Variants in HEMK2 observed in about 807,000 individuals in gnomAD.
HEMK2 encodes methyltransferase HEMK2.
chr21:28,693,088 T>C, the HEMK2 span, among the ~76,000 whole-genome samples: 2 of 152,168 alleles, frequency 1.3e-5, no homozygotes, highest in East Asian at 1.9e-4. Flanking sequence ...GATGATTGCA[T>C]AACTTCATGA....
chr21:28,713,559 T>C, the HEMK2 span, among the ~76,000 whole-genome samples: 9 of 152,170 alleles, frequency 5.9e-5, no homozygotes, highest in Non-Finnish European at 1.2e-4. Flanking sequence ...TAGGATGCTC[T>C]TTCCCCAGGC....
At chr21:28,607,306 G>A in the HEMK2 span, among the ~76,000 whole-genome samples, 3,536 of 152,208 alleles carry the variant, frequency 0.023, 156 homozygotes, top group African/African-American at 0.081. Context: ...AGCTACTTGG[G>A]AGGCTGAGGC....
the HEMK2 span, among the ~76,000 whole-genome samples, chr21:28,593,091 G>T: frequency 6.6e-6 from 1 of 152,150 alleles, no homozygotes; most frequent in African/African-American, 2.4e-5. Context: ...AGCTACTTAG[G>T]AGGCTGAGAC....
the HEMK2 span, among the ~76,000 whole-genome samples, chr21:28,795,059 A>C: frequency 6.6e-6 from 1 of 152,250 alleles, no homozygotes; most frequent in African/African-American, 2.4e-5. Flanking sequence ...TGTAGGGTCA[A>C]ATGAAAGTCT....
the HEMK2 span, among the ~76,000 whole-genome samples, chr21:28,741,141 C>A: frequency 3.3e-5 from 5 of 152,214 alleles, no homozygotes; most frequent in East Asian, 9.7e-4. Context: ...AAAGTCAAAT[C>A]AAATCAGATG....
the HEMK2 span, among the ~76,000 whole-genome samples, chr21:28,863,413 TATATATATATATATATA>T: frequency 0.049 from 1,194 of 24,136 alleles, 109 homozygotes; most frequent in South Asian, 0.11. Context: ...CTCCCTTTTA[TATATATATATATATATA>T]TATATATATA....
chr21:28,844,363 T>C, the HEMK2 span, among the ~76,000 whole-genome samples: 10 of 152,126 alleles, frequency 6.6e-5, no homozygotes, highest in African/African-American at 2.2e-4. Flanking sequence ...AGAAATGTGA[T>C]GTAAGTCTAC....
the HEMK2 span, among the ~76,000 whole-genome samples, chr21:28,841,156 T>TATATA: frequency 3.1e-5 from 1 of 32,280 alleles, no homozygotes; most frequent in African/African-American, 1.9e-4. Flanking sequence ...AATTATAATT[T>TATATA]ATATATAATA....
At chr21:28,795,347 A>G in the HEMK2 span, among the ~76,000 whole-genome samples, 105 of 152,308 alleles carry the variant, frequency 6.9e-4, 1 homozygote, top group African/African-American at 2.5e-3. Flanking sequence ...TCTCTCCCAG[A>G]ACCTTTGCTA....
chr21:28,607,104 T>C, the HEMK2 span, among the ~76,000 whole-genome samples: 1 of 152,100 alleles, frequency 6.6e-6, no homozygotes, highest in Non-Finnish European at 1.5e-5. Flanking sequence ...TTAATATGAA[T>C]GATATGGTAA....
the HEMK2 span, among the ~76,000 whole-genome samples, chr21:28,766,621 C>A: frequency 6.6e-6 from 1 of 151,734 alleles, no homozygotes; most frequent in Admixed American, 6.6e-5. Flanking sequence ...CATCAACCAA[C>A]GAATAGATAA....
the HEMK2 span, among the ~76,000 whole-genome samples, chr21:28,580,742 A>G: frequency 6.6e-6 from 1 of 151,866 alleles, no homozygotes; most frequent in Non-Finnish European, 1.5e-5. Context: ...ATCCTCCCCA[A>G]CCTGGATAGC....
the HEMK2 span, among the ~76,000 whole-genome samples, chr21:28,843,406 G>A: frequency 3.3e-5 from 5 of 152,068 alleles, no homozygotes; most frequent in Non-Finnish European, 7.4e-5. Context: ...TACCTCCCAC[G>A]AGGTCCCTCC....
At chr21:28,620,192 G>A in the HEMK2 span, among the ~76,000 whole-genome samples, 3 of 151,988 alleles carry the variant, frequency 2.0e-5, no homozygotes, top group South Asian at 2.1e-4. Flanking sequence ...GAGGATTTTC[G>A]CATCGATGTT....
At chr21:28,596,923 C>T in the HEMK2 span, among the ~76,000 whole-genome samples, 2 of 152,054 alleles carry the variant, frequency 1.3e-5, no homozygotes, top group African/African-American at 4.8e-5. Flanking sequence ...AATTAAGTGC[C>T]ACAAATATAC....
the HEMK2 span, chr21:28,876,332 CA>C: frequency 7.8e-7 from 1 of 1,276,788 alleles, no homozygotes; most frequent in South Asian, 1.5e-5. Flanking sequence ...ACTTCAGTTT[CA>C]AAATATGCTA....
At chr21:28,780,415 G>A in the HEMK2 span, among the ~76,000 whole-genome samples, 1 of 110,428 alleles carries the variant, frequency 9.1e-6, no homozygotes, top group Non-Finnish European at 1.6e-5. Flanking sequence ...CTGACCTCAT[G>A]ATCTGCCCGC....
the HEMK2 span, among the ~76,000 whole-genome samples, chr21:28,637,613 G>T: frequency 1.3e-5 from 2 of 152,146 alleles, no homozygotes; most frequent in Non-Finnish European, 2.9e-5. Flanking sequence ...TTGCATTCAT[G>T]GCTCATAAAT....
chr21:28,586,295 A>T, the HEMK2 span, among the ~76,000 whole-genome samples: 1 of 152,240 alleles, frequency 6.6e-6, no homozygotes, highest in Non-Finnish European at 1.5e-5. Context: ...CCATAAAAAG[A>T]TTGAAGAGGA....
Sources: allele counts gnomAD v4.1 joint callset (sites outside exome capture counted in the v4.1 genomes callset), GRCh38; gene constraint gnomAD v4.1.1; transcripts MANE v1.5; gene names NCBI Gene and HGNC (gene_info 2026-07-23, HGNC 2026-07-21).